Variants in ELF2 observed in about 807,000 individuals in gnomAD.
ELF2 encodes the protein E74 like ETS transcription factor 2.
ELF2 carries 11 observed loss-of-function variants against 54.8 expected under a neutral mutation model. The observed-to-expected ratio is 0.20, with a 90% CI of 0.13 to 0.33. ELF2 has a LOEUF of 0.33. Ranked by LOEUF, ELF2 falls within the 10% of genes least tolerant of loss-of-function variation. The pLI is 1.00. For synonymous variants in ELF2, 203 were observed against 245.1 expected (o/e 0.83, Z 1.61); for missense variants, 513 against 703.0 (o/e 0.73, Z 3.06).
intron 4 of ELF2, among the ~76,000 whole-genome samples, chr4:139,123,651 AT>A (rs1736619745): frequency 6.6e-6 from 1 of 152,186 alleles, no homozygotes; most frequent in African/African-American, 2.4e-5. Context: ...TATAGTTTTT[AT>A]CTTTTTTAAA....
rs1736931801 is a variant in ELF2, at chr4:139,126,455, G to A, written c.73-1126C>T. Among the ~76,000 whole-genome samples the A allele has an allele frequency of 2.0e-5, 3 of 151,298 alleles. No individual in the cohort carries two copies. In the South Asian group the frequency reaches 6.3e-4, roughly 32 times the overall value. On this transcript the variant is annotated intron_variant, in intron 3 of 9. Coordinates refer to ENST00000686138, the MANE Select transcript of ELF2 (RefSeq NM_001331036.3). Reference sequence around the variant, plus strand: ...AATTTTCTAAGACTGAAGGATATAAGCCACCCATTTGAAAGGACCCACCAA... The same window carrying A: ...AATTTTCTAAGACTGAAGGATATAAACCACCCATTTGAAAGGACCCACCAA...
intron 3 of ELF2, among the ~76,000 whole-genome samples, chr4:139,133,224 A>G (rs1737733549): frequency 1.3e-5 from 2 of 152,154 alleles, no homozygotes. Context: ...CCCAGCCTAC[A>G]TTCTTATAAG....
chr4:139,069,641 G>A (rs1329315852), intron 6 of ELF2, among the ~76,000 whole-genome samples: 1 of 152,074 alleles, frequency 6.6e-6, no homozygotes, highest in Non-Finnish European at 1.5e-5. Context: ...AACACCATAT[G>A]CTATCTTCTC....
chr4:139,122,180 G>C (rs952589559), intron 4 of ELF2, among the ~76,000 whole-genome samples: 7 of 152,172 alleles, frequency 4.6e-5, no homozygotes, highest in African/African-American at 1.7e-4. Flanking sequence ...TAATGTAGGA[G>C]CATTCTGTGA....
chr4:139,104,520 A>AG (rs1382624810), intron 4 of ELF2, among the ~76,000 whole-genome samples: 1 of 151,398 alleles, frequency 6.6e-6, no homozygotes, highest in Non-Finnish European at 1.5e-5. Context: ...AAAAAAAAAA[A>AG]AAAAAAAGAA....
intron 4 of ELF2, among the ~76,000 whole-genome samples, chr4:139,077,662 A>C (rs1730503418): frequency 6.6e-6 from 1 of 152,232 alleles, no homozygotes; most frequent in Non-Finnish European, 1.5e-5. Context: ...ATTAAAAAAA[A>C]AATACTATTT....
chr4:139,140,518 G>A (rs1738603204), intron 1 of ELF2, among the ~76,000 whole-genome samples: 1 of 152,120 alleles, frequency 6.6e-6, no homozygotes, highest in Admixed American at 6.6e-5. Flanking sequence ...CTTTGGGAGA[G>A]GAAGGCAGAA....
intron 1 of ELF2, among the ~76,000 whole-genome samples, chr4:139,164,334 C>A (rs1053474266): frequency 4.6e-5 from 7 of 152,076 alleles, no homozygotes; most frequent in East Asian, 1.9e-4. Context: ...AGTTACAAGT[C>A]TTTCTAAAAG....
intron 1 of ELF2, among the ~76,000 whole-genome samples, chr4:139,157,182 G>C (rs1030973196): frequency 6.6e-6 from 1 of 152,032 alleles, no homozygotes; most frequent in Non-Finnish European, 1.5e-5. Flanking sequence ...TTACTATACT[G>C]AATACTATAG....
At chr4:139,157,550 T>G (rs747163335) in intron 1 of ELF2, among the ~76,000 whole-genome samples, 2 of 152,138 alleles carry the variant, frequency 1.3e-5, no homozygotes, top group African/African-American at 2.4e-5. Flanking sequence ...TATAGGCACA[T>G]GCCACCAAAC....
At chr4:139,064,206 G>A (rs1276236768) in intron 7 of ELF2, among the ~76,000 whole-genome samples, 1 of 152,214 alleles carries the variant, frequency 6.6e-6, no homozygotes, top group Non-Finnish European at 1.5e-5. Context: ...TACTCGCAAG[G>A]CAGAGGCAGG....
At chr4:139,176,223 G>C (rs1456804625) in intron 1 of ELF2, among the ~76,000 whole-genome samples, 1 of 152,204 alleles carries the variant, frequency 6.6e-6, no homozygotes, top group Non-Finnish European at 1.5e-5. Flanking sequence ...ATTCCGATCC[G>C]AGCAAAGCCT....
intron 3 of ELF2, among the ~76,000 whole-genome samples, chr4:139,132,337 A>C (rs1737573995): frequency 1.3e-5 from 2 of 152,206 alleles, no homozygotes; most frequent in South Asian, 4.1e-4. Flanking sequence ...GAATTTTCAC[A>C]AATGTAAACA....
intron 1 of ELF2, among the ~76,000 whole-genome samples, chr4:139,147,873 G>A (rs926624786): frequency 1.4e-5 from 2 of 138,000 alleles, no homozygotes; most frequent in South Asian, 2.3e-4. Context: ...CGCAACCTCC[G>A]CCTCCCAGGT....
At chr4:139,096,474 T>G (rs9942251) in intron 4 of ELF2, among the ~76,000 whole-genome samples, 34,812 of 152,042 alleles carry the variant, frequency 0.23, 4,144 homozygotes, top group Non-Finnish European at 0.25. Flanking sequence ...TAAATTAGTT[T>G]TGTTTTTTGA....
chr4:139,176,708 G>A (rs961025414), intron 1 of ELF2, among the ~76,000 whole-genome samples: 4 of 150,244 alleles, frequency 2.7e-5, no homozygotes, highest in African/African-American at 9.8e-5. Flanking sequence ...CGCTCCCCGC[G>A]GGCAGGCGCG....
Position 139,059,058 on chromosome 4 carries a change from C to A in ELF2, c.1707G>T (p.Val569=). 1 of 1,613,938 alleles carries A rather than the reference C, an allele frequency of 6.2e-7. No homozygotes were observed. The highest frequency in any genetic ancestry group is 8.5e-7 in the Non-Finnish European group (1 of 1,179,846). ...CAATAGCTGAAGGCGCACTGACAAC[C>A]ACTACGTGGGTCACTGTCTTATTTC... The part of the protein sequence containing the change: ...ADGNKTVTHV[V]VVSAPSAIAL... Residue 569 remains valine, a synonymous_variant, in exon 10 of 10, where the codon GTG becomes GTT. Coordinates refer to ENST00000686138, the MANE Select transcript of ELF2 (RefSeq NM_001331036.3).
At chr4:139,106,234 A>G (rs1003401835) in intron 4 of ELF2, among the ~76,000 whole-genome samples, 3 of 152,226 alleles carry the variant, frequency 2.0e-5, no homozygotes, top group African/African-American at 7.2e-5. Context: ...CATGACTGAG[A>G]GGCTTTTTTT....
In ELF2 at chr4:139,125,261, C is replaced by CG. The variant is rs1329582632; in HGVS notation, c.140_141insC (p.Gln47HisfsTer11). 6.2e-7 allele frequency: 1 copy of CG among 1,613,982 alleles called. No homozygotes were observed. The highest frequency in any genetic ancestry group is 8.5e-7 in the Non-Finnish European group (1 of 1,179,970). On this transcript the variant is annotated frameshift_variant, in exon 4 of 10. Coordinates refer to ENST00000686138, the MANE Select transcript of ELF2 (RefSeq NM_001331036.3). LOFTEE classifies it high-confidence loss of function. ...AAACCAGAACCTGGGCTGCATAGCC[C>CG]TGCTCTAATCTGGCACTTGGAACTG...
Sources: allele counts gnomAD v4.1 joint callset (sites outside exome capture counted in the v4.1 genomes callset), GRCh38; gene constraint gnomAD v4.1.1; transcripts MANE v1.5; gene names NCBI Gene and HGNC (gene_info 2026-07-23, HGNC 2026-07-21).